The following SNRK variants were observed in gnomAD, a reference collection of about 807,000 sequenced individuals.
The protein encoded by SNRK is SNF-related serine/threonine-protein kinase.
SNRK carries 3 observed loss-of-function variants against 48.2 expected under a neutral mutation model. That is an observed-to-expected ratio of 0.06 (90% confidence interval 0.03 to 0.16). SNRK has a LOEUF of 0.16. Among genes scored for constraint, SNRK ranks in the 10% least tolerant of loss-of-function variants. The pLI is 1.00. For synonymous variants in SNRK, 376 were observed against 366.1 expected, an observed-to-expected ratio of 1.03 and a Z score of -0.31; for missense variants, 627 against 976.0, an observed-to-expected ratio of 0.64 and a Z score of 4.76.
intron 6 of SNRK, among the ~76,000 whole-genome samples, chr3:43,344,481 A>G (rs1428142981): frequency 6.6e-6 from 1 of 152,202 alleles, no homozygotes; most frequent in African/African-American, 2.4e-5. Context: ...TAAAAGATTA[A>G]GAAAGCCATT....
chr3:43,333,041 C>T (rs1483337279), intron 4 of SNRK: 1 of 152,136 alleles, frequency 6.6e-6, no homozygotes, highest in East Asian at 1.9e-4. Flanking sequence ...TTTCTCCTAT[C>T]AGCTGGTAAG....
At chr3:43,295,215 C>T (rs887075926) in intron 1 of SNRK, among the ~76,000 whole-genome samples, 3 of 152,204 alleles carry the variant, frequency 2.0e-5, no homozygotes, top group African/African-American at 7.2e-5. Context: ...AATGATTTGC[C>T]TAACTCCTGA....
At chr3:43,307,227 AT>A (rs2125622849) in intron 3 of SNRK, among the ~76,000 whole-genome samples, 1 of 152,296 alleles carries the variant, frequency 6.6e-6, no homozygotes, top group East Asian at 1.9e-4. Context: ...TTTCTAATAT[AT>A]TTTACATGAT....
chr3:43,343,547 T>C (rs2125647715), intron 6 of SNRK, 69 bp downstream of exon 6: 1 of 1,524,058 alleles, frequency 6.6e-7, no homozygotes, highest in East Asian at 2.3e-5. Flanking sequence ...TTTTTTTTTT[T>C]TTAATGCTTC....
chr3:43,330,274 T>C (rs1285732063), intron 3 of SNRK, among the ~76,000 whole-genome samples: 1 of 152,202 alleles, frequency 6.6e-6, no homozygotes, highest in Non-Finnish European at 1.5e-5. Flanking sequence ...TGTGGAGGGA[T>C]AGCCAAGTAT....
intron 1 of SNRK, chr3:43,289,658 C>G (rs1038223207): frequency 6.5e-6 from 1 of 152,700 alleles, no homozygotes; most frequent in South Asian, 2.1e-4. Flanking sequence ...CCATTTCTTG[C>G]TGGTGGTAGG....
intron 6 of SNRK, among the ~76,000 whole-genome samples, 159 bp downstream of exon 6, chr3:43,343,637 A>G (rs188529407): frequency 6.6e-6 from 1 of 151,838 alleles, no homozygotes; most frequent in African/African-American, 2.4e-5. Context: ...TCAGGTGTAC[A>G]TGAGGGTCTG....
rs182095292 is a variant in SNRK, at chr3:43,291,968, G to A, written c.-169+5293G>A. ...CCCTGCTTTTTCATTTGTAAAATGG[G>A]TATCACTCTTAAGGAATTAAATGAT... is the stretch of plus-strand genomic sequence containing the variant. On this transcript the variant is annotated intron_variant, in intron 1 of 6. Transcript: ENST00000296088. Among the ~76,000 whole-genome samples, 7 of 152,288 alleles carry A rather than the reference G, an allele frequency of 4.6e-5. No homozygotes were observed. In the East Asian group the frequency reaches 1.3e-3, roughly 29 times the overall value.
At chr3:43,340,022 C>T (rs1399216803) in intron 4 of SNRK, among the ~76,000 whole-genome samples, 1 of 151,266 alleles carries the variant, frequency 6.6e-6, no homozygotes, top group African/African-American at 2.4e-5. Context: ...AATTCAAGAA[C>T]AGATGTTGAT....
At chr3:43,318,758 G>A (rs906019719) in intron 3 of SNRK, among the ~76,000 whole-genome samples, 5 of 152,188 alleles carry the variant, frequency 3.3e-5, no homozygotes, top group Admixed American at 1.3e-4. Flanking sequence ...CGGCGTGGTG[G>A]CTCATGCCTT....
chr3:43,343,517 GT>G (rs1559471409), intron 6 of SNRK, 39 bp downstream of exon 6: 1 of 1,576,146 alleles, frequency 6.3e-7, no homozygotes, highest in Non-Finnish European at 8.6e-7. Context: ...TAAGTTTAAC[GT>G]TTTGAAATAG....
chr3:43,337,011 CA>C (rs2125642952), intron 4 of SNRK, among the ~76,000 whole-genome samples: 1 of 152,224 alleles, frequency 6.6e-6, no homozygotes, highest in East Asian at 1.9e-4. Context: ...CTGGGCCTCC[CA>C]AAGTGCTGGG....
At position 43,350,012 on chromosome 3, in the gene SNRK, C is replaced by A. The variant is rs1478311573; in HGVS notation, c.*1455C>A. On this transcript the variant is annotated 3_prime_UTR_variant, in exon 7 of 7. Transcript: ENST00000296088. ...AGAGAGTGGGCACATCACCAAAGAA[C>A]TGCATTGCTGTGGTCACTGTTTCTT... The A allele has an allele frequency of 6.6e-6, 1 of 152,222 alleles. No individual in the cohort carries two copies. Among genetic ancestry groups the A allele is most frequent in the Non-Finnish European group, 1.5e-5 (1 of 68,054 alleles). The allele number at this position is 152,222 out of a possible 1,614,324, so 9.4% of individuals were successfully genotyped here. A position where few individuals can be genotyped will look rare whatever the true frequency, so the allele number is the denominator to read the frequency against.
At chr3:43,309,556 C>G (rs967182232) in intron 3 of SNRK, among the ~76,000 whole-genome samples, 2 of 152,032 alleles carry the variant, frequency 1.3e-5, no homozygotes, top group Non-Finnish European at 2.9e-5. Flanking sequence ...GCAGGAACTT[C>G]CACCAGCAAA....
chr3:43,334,884 GC>G (rs2091175022), intron 4 of SNRK, among the ~76,000 whole-genome samples: 1 of 152,076 alleles, frequency 6.6e-6, no homozygotes, highest in African/African-American at 2.4e-5. Context: ...GAGCCACCAC[GC>G]CCAGCCTATA....
At chr3:43,328,985 T>A (rs2091124773) in intron 3 of SNRK, among the ~76,000 whole-genome samples, 1 of 152,226 alleles carries the variant, frequency 6.6e-6, no homozygotes, top group Non-Finnish European at 1.5e-5. Context: ...GGATTCTGTT[T>A]TAATTCATTT....
intron 3 of SNRK, among the ~76,000 whole-genome samples, chr3:43,326,210 T>C (rs1330991205): frequency 2.6e-5 from 4 of 152,104 alleles, no homozygotes; most frequent in Non-Finnish European, 5.9e-5. Context: ...CAGCTTATCT[T>C]CCCTGATTTA....
intron 3 of SNRK, among the ~76,000 whole-genome samples, chr3:43,322,942 A>T: frequency 1.6e-5 from 1 of 62,880 alleles, no homozygotes; most frequent in Admixed American, 2.2e-4. Context: ...ACAGAGTAAG[A>T]CTCCGTCTCA....
chr3:43,295,175 T>G (rs1210575540), intron 1 of SNRK, among the ~76,000 whole-genome samples: 1 of 152,232 alleles, frequency 6.6e-6, no homozygotes, highest in Non-Finnish European at 1.5e-5. Flanking sequence ...TCTCTTCCTC[T>G]CTACAAATAC....
Sources: gnomAD v4.1 joint callset for allele counts (sites outside exome capture counted in the v4.1 genomes callset) on GRCh38, gnomAD v4.1.1 for gene constraint, MANE v1.5 for transcripts, NCBI Gene and HGNC (gene_info 2026-07-23, HGNC 2026-07-21) for gene names.